The following HEATR5B variants were observed in gnomAD, a reference collection of about 807,000 sequenced individuals.
The protein encoded by HEATR5B is HEAT repeat containing 5B.
HEATR5B carries 156 observed loss-of-function variants against 224.1 expected under a neutral mutation model. The observed-to-expected ratio is 0.70, with a 90% confidence interval of 0.61 to 0.80. The LOEUF (loss-of-function observed/expected upper bound fraction) is 0.80, where lower values mean the gene tolerates loss of function less well. HEATR5B is among the 30% of genes least tolerant of loss of function. The pLI, the probability that HEATR5B is intolerant of heterozygous loss-of-function variation, is 0.00. For missense variants in HEATR5B, 2,323 were observed against 2,535.5 expected, an observed-to-expected ratio of 0.92 and a Z score of 1.80; for synonymous variants, 1,027 against 893.0, an observed-to-expected ratio of 1.15 and a Z score of -2.68.
chr2:36,991,301 C>A (rs930632483), intron 33 of HEATR5B, among the ~76,000 whole-genome samples: 1 of 151,180 alleles, frequency 6.6e-6, no homozygotes, highest in Admixed American at 6.6e-5. Context: ...CCGAGGCAGG[C>A]GGACCACCTG....
At chr2:36,987,965 C>T (rs910273193) in intron 35 of HEATR5B, among the ~76,000 whole-genome samples, 8 of 151,526 alleles carry the variant, frequency 5.3e-5, no homozygotes, top group East Asian at 3.9e-4. Context: ...CCAGCTACTC[C>T]GGAGGCTGAG....
chr2:37,007,314 A>C lies in HEATR5B; in HGVS notation c.4523-10T>G, dbSNP rs1667485767. 6.3e-7 allele frequency: 1 copy of C among 1,584,846 alleles called. No homozygotes were observed. Among genetic ancestry groups the C allele is most frequent in the Admixed American group, 1.9e-5 (1 of 51,626 alleles). On this transcript the variant is annotated splice_polypyrimidine_tract_variant and intron_variant, in intron 28 of 35. Transcript: ENST00000233099. ...GTATAAAATGCTCCACCTGTAAAGC[A>C]ATCAAATCAATTAAAAACATTACTT...
chr2:37,026,762 T>A (rs1668802936), intron 24 of HEATR5B, among the ~76,000 whole-genome samples: 1 of 152,226 alleles, frequency 6.6e-6, no homozygotes, highest in African/African-American at 2.4e-5. Flanking sequence ...ATTACCTATA[T>A]TCAGAGTCTC....
At chr2:37,001,686 G>C (rs1203221495) in intron 32 of HEATR5B, among the ~76,000 whole-genome samples, 1 of 127,552 alleles carries the variant, frequency 7.8e-6, no homozygotes, top group Non-Finnish European at 1.7e-5. Flanking sequence ...TTTTTTTTTT[G>C]AGAGTCTTGC....
intron 7 of HEATR5B, 106 bp from the exon 8 acceptor site, chr2:37,069,036 G>GT (rs1373328893): frequency 8.5e-7 from 1 of 1,170,588 alleles, no homozygotes; most frequent in African/African-American, 1.5e-5. Flanking sequence ...TGAATGAATT[G>GT]TATTTGAGGC....
At position 37,068,310 on chromosome 2, in the gene HEATR5B, G is replaced by A. The variant is rs74356369; in HGVS notation, c.1177+371C>T. Among the ~76,000 whole-genome samples the A allele has an allele frequency of 9.6e-3, 1,463 of 152,248 alleles. 24 individuals carry two copies. The highest frequency in any genetic ancestry group is 0.034 in the African/African-American group (1,394 of 41,534). ...CTCTAAGTTTTCATATTAAGCCTAC[G>A]AGGGGAGGAAAAGAAACAATAAAAA... On this transcript the variant is annotated intron_variant, in intron 8 of 35. Coordinates refer to ENST00000233099, the MANE Select transcript of HEATR5B (RefSeq NM_019024.3).
At chr2:37,065,466 A>T (rs1389240665) in intron 9 of HEATR5B, among the ~76,000 whole-genome samples, 1 of 151,976 alleles carries the variant, frequency 6.6e-6, no homozygotes, top group African/African-American at 2.4e-5. Flanking sequence ...GTGTCACCAC[A>T]GCTGGCTAAT....
intron 24 of HEATR5B, among the ~76,000 whole-genome samples, chr2:37,023,240 A>C (rs1339902760): frequency 1.3e-5 from 2 of 152,228 alleles, no homozygotes; most frequent in Non-Finnish European, 2.9e-5. Flanking sequence ...AGACTTAGCA[A>C]CACAAATTAT....
chr2:37,061,096 G>C (rs1446013186), intron 11 of HEATR5B, among the ~76,000 whole-genome samples: 1 of 151,944 alleles, frequency 6.6e-6, no homozygotes, highest in Non-Finnish European at 1.5e-5. Context: ...CATTCTATGA[G>C]GTCTTTTTCA....
rs3080796 is a variant in HEATR5B at position 37,007,337 on chromosome 2, CTTTTTTT to C, written c.4523-40_4523-34del. 1,903 of 1,175,338 alleles carry C rather than the reference CTTTTTTT, an allele frequency of 1.6e-3. 8 individuals carry two copies. In the African/African-American group the frequency reaches 0.028, roughly 17 times the overall value. 72.8% of individuals were successfully genotyped at this position (1,175,338 alleles called of 1,614,324 possible). ...GCAATCAAATCAATTAAAAACATTA[CTTTTTTT>C]TTTTTTTTTTTTTTTTTGAGACCAA... On this transcript the variant is annotated intron_variant, in intron 28 of 35. Coordinates refer to ENST00000233099, the MANE Select transcript of HEATR5B (RefSeq NM_019024.3).
At chr2:36,998,088 G>C (rs1355239070) in intron 33 of HEATR5B, among the ~76,000 whole-genome samples, 1 of 152,092 alleles carries the variant, frequency 6.6e-6, no homozygotes, top group Non-Finnish European at 1.5e-5. Flanking sequence ...AAAGCAATCT[G>C]TTCTGTTCCA....
intron 27 of HEATR5B, among the ~76,000 whole-genome samples, chr2:37,010,378 G>A (rs1667711366): frequency 6.6e-6 from 1 of 152,012 alleles, no homozygotes; most frequent in East Asian, 1.9e-4. Flanking sequence ...CCCACACCAA[G>A]CAGACTTACA....
At chr2:37,065,072 A>C in intron 9 of HEATR5B, 82 bp from the exon 10 acceptor site, 1 of 1,376,046 alleles carries the variant, frequency 7.3e-7, no homozygotes, top group African/African-American at 1.4e-5. Flanking sequence ...AAAAACAATA[A>C]CTGAAATGAC....
intron 33 of HEATR5B, among the ~76,000 whole-genome samples, chr2:36,997,054 A>C (rs952114194): frequency 6.6e-6 from 1 of 152,060 alleles, no homozygotes; most frequent in African/African-American, 2.4e-5. Context: ...GAGTAAGTGA[A>C]TTTTTTCTAA....
intron 33 of HEATR5B, among the ~76,000 whole-genome samples, chr2:36,993,678 T>C (rs983296763): frequency 6.6e-6 from 1 of 152,204 alleles, no homozygotes. Context: ...GGCAGACAAC[T>C]TCTTAACAAA....
At chr2:37,081,239 A>C (rs1361199124) in intron 2 of HEATR5B, among the ~76,000 whole-genome samples, 1 of 151,844 alleles carries the variant, frequency 6.6e-6, no homozygotes, top group African/African-American at 2.4e-5. Context: ...TTTTTTTTAT[A>C]CTTCAAGTTC....
At position 37,005,624 on chromosome 2, in the gene HEATR5B, C is replaced by A; in HGVS notation, c.4905+8G>T. 1 of 1,612,632 alleles carries A rather than the reference C, an allele frequency of 6.2e-7. No homozygotes were observed. The highest frequency in any genetic ancestry group is 8.5e-7 in the Non-Finnish European group (1 of 1,179,022). On this transcript the variant is annotated splice_region_variant and intron_variant, in intron 30 of 35. Transcript: ENST00000233099. Reference sequence around the variant, plus strand: ...CACACAAGTATCTATCATAGCAATACACTGTACCTGATCTTCTGCAATATG... The same window carrying A: ...CACACAAGTATCTATCATAGCAATAAACTGTACCTGATCTTCTGCAATATG...
chr2:37,065,680 C>A, intron 9 of HEATR5B, 75 bp downstream of exon 9: 1 of 1,254,254 alleles, frequency 8.0e-7, no homozygotes, highest in South Asian at 1.4e-5. Flanking sequence ...AGCAACTAAT[C>A]AGGAATTAAA....
chr2:37,080,467 T>C (rs2148612479), intron 2 of HEATR5B, among the ~76,000 whole-genome samples: 1 of 152,310 alleles, frequency 6.6e-6, no homozygotes, highest in South Asian at 2.1e-4. Context: ...GATTTGTTTG[T>C]GGATGAAACC....
Sources: allele counts gnomAD v4.1 joint callset (sites outside exome capture counted in the v4.1 genomes callset), GRCh38; gene constraint gnomAD v4.1.1; transcripts MANE v1.5; gene names NCBI Gene and HGNC (gene_info 2026-07-23, HGNC 2026-07-21).